The following ADCY7 variants were observed in gnomAD, a reference collection of about 807,000 sequenced individuals.
ADCY7 encodes adenylate cyclase type 7.
Under a neutral mutation model 120.6 loss-of-function variants are expected in ADCY7, and 72 were observed. The observed-to-expected ratio is 0.60, with a 90% CI of 0.49 to 0.73. ADCY7 has a LOEUF of 0.73. Among genes scored for constraint, ADCY7 ranks in the 30% least tolerant of loss-of-function variants. ADCY7 has a pLI of 0.00. For missense variants in ADCY7, 1,227 were observed against 1,486.0 expected (o/e 0.83, Z 2.87); for synonymous variants, 661 against 628.0 (o/e 1.05, Z -0.78).
At chr16:50,309,188 T>C (rs1410815426) in intron 17 of ADCY7, 2 of 320,188 alleles carry the variant, frequency 6.2e-6, no homozygotes, top group Non-Finnish European at 5.8e-6. Context: ...AGACCCCGCA[T>C]CCTGGGCTAG....
chr16:50,315,156 A>G lies in ADCY7; in HGVS notation c.3096+18A>G. 1 of 1,613,524 alleles carries G rather than the reference A, an allele frequency of 6.2e-7. No individual in the cohort carries two copies. Among genetic ancestry groups the G allele is most frequent in the Non-Finnish European group, 8.5e-7 (1 of 1,179,662 alleles). The stretch of plus-strand genomic sequence containing the variant: ...AAATCCAGGTAAAGACCTATTGGGG[A>G]AGCAGTTGACTAAGGGGAAAAGATC... On this transcript the variant is annotated intron_variant, in intron 25 of 25. Transcript: ENST00000673801.
chr16:50,253,105 G>A (rs533222473), intron 1 of ADCY7, among the ~76,000 whole-genome samples: 3 of 152,262 alleles, frequency 2.0e-5, no homozygotes, highest in East Asian at 1.9e-4. Context: ...TGCCCTGCAC[G>A]ATTTTCTCTG....
In ADCY7 at chr16:50,309,255, A is replaced by T. The variant is rs2036286497; in HGVS notation, c.2062-293A>T. 5 of 413,890 alleles carry T rather than the reference A, an allele frequency of 1.2e-5. No individual in the cohort carries two copies. In the East Asian group the frequency reaches 2.1e-4, roughly 17 times the overall value. The allele number at this position is 413,890 out of a possible 1,614,324, so 25.6% of individuals were successfully genotyped here. A position where few individuals can be genotyped will look rare whatever the true frequency, so the allele number is the denominator to read the frequency against. On this transcript the variant is annotated intron_variant, in intron 17 of 25. Transcript: ENST00000673801. ...TGGGTTTTTGGAATGTGTTCCTGTG[A>T]CCACCTCCCTCAGGGTCACCTGGGG...
At chr16:50,270,930 C>T (rs899540959) in intron 1 of ADCY7, among the ~76,000 whole-genome samples, 16 of 152,246 alleles carry the variant, frequency 1.1e-4, no homozygotes, top group Admixed American at 5.9e-4. Flanking sequence ...TGTGCAGTGG[C>T]CCCCTCCCCA....
chr16:50,303,593 T>C (rs886268434), intron 10 of ADCY7, among the ~76,000 whole-genome samples: 4 of 151,374 alleles, frequency 2.6e-5, no homozygotes, highest in Non-Finnish European at 4.4e-5. Context: ...GCCTCAGGCA[T>C]GTGTTCTTGG....
chr16:50,298,035 G>C (rs1180318390), intron 7 of ADCY7, among the ~76,000 whole-genome samples: 1 of 152,142 alleles, frequency 6.6e-6, no homozygotes, highest in African/African-American at 2.4e-5. Flanking sequence ...GAGGGCTCTC[G>C]GGGGTCCCCT....
In ADCY7 at chr16:50,304,964, G is replaced by A. The variant is rs566841579; in HGVS notation, c.1595+5G>A. On this transcript the variant is annotated splice_donor_5th_base_variant and intron_variant, in intron 12 of 25. Transcript: ENST00000673801. Reference sequence around the variant, plus strand: ...CCACCGCCGGACCCCAGACAGGTGCGTGCCCTGCCCTCCTGGCCAAGTCCT... The same window carrying A: ...CCACCGCCGGACCCCAGACAGGTGCATGCCCTGCCCTCCTGGCCAAGTCCT... 1.7e-5 allele frequency: 28 copies of A among 1,613,234 alleles called. 1 individual carries two copies. The highest frequency in any genetic ancestry group is 4.5e-5 in the East Asian group (2 of 44,870).
In ADCY7 at chr16:50,293,398, C is replaced by A. The variant is rs1344047628; in HGVS notation, c.732C>A (p.Gly244=). The A allele has an allele frequency of 1.2e-6, 2 of 1,613,894 alleles. No homozygotes were observed. The highest frequency in any genetic ancestry group is 3.3e-5 in the Admixed American group (2 of 60,008). ...LSVLPAHISM[G]MKLAIIERLK... Reference sequence around the variant, plus strand: ...TGCTTCCGGCCCACATCTCCATGGGCATGAAGCTGGCCATCATCGAACGGC... The same window carrying A: ...TGCTTCCGGCCCACATCTCCATGGGAATGAAGCTGGCCATCATCGAACGGC... Residue 244 remains glycine, a synonymous_variant, in exon 6 of 26, where the codon GGC becomes GGA. Transcript: ENST00000673801.
In ADCY7 at chr16:50,314,282, T is replaced by C; in HGVS notation, c.2857-10T>C. 1 of 1,612,864 alleles carries C rather than the reference T, an allele frequency of 6.2e-7. No individual in the cohort carries two copies. Among genetic ancestry groups the C allele is most frequent in the Non-Finnish European group, 8.5e-7 (1 of 1,178,928 alleles). On this transcript the variant is annotated splice_polypyrimidine_tract_variant and intron_variant, in intron 23 of 25. Coordinates refer to ENST00000673801, the MANE Select transcript of ADCY7 (RefSeq NM_001114.5). ...AGATGCAAGGATCTGACCCACAGCC[T>C]GTCCCGCAGGAGCTGGAGCGGCAGC...
Position 50,315,637 on chromosome 16 carries a change from T to C in ADCY7, c.*132T>C. On this transcript the variant is annotated 3_prime_UTR_variant, in exon 26 of 26. Transcript: ENST00000673801. ...CTGTGCATGTTGGCTTCTTTGGACC[T>C]GCACTGGAGGATTTCTCAGACACAT... 8.7e-7 allele frequency: 1 copy of C among 1,151,324 alleles called. No individual in the cohort carries two copies. Among genetic ancestry groups the C allele is most frequent in the Non-Finnish European group, 1.2e-6 (1 of 823,518 alleles). The allele number at this position is 1,151,324 out of a possible 1,614,324, so 71.3% of individuals were successfully genotyped here.
In ADCY7 at chr16:50,314,025, C is replaced by G; in HGVS notation, c.2819C>G (p.Ala940Gly). Residue 940 changes from alanine to glycine, a missense_variant, in exon 23 of 26, where the codon GCT (alanine) becomes GGT (glycine). Transcript: ENST00000673801. ...IKTIGSTYMA[A>G]AGLSVASGHE... ...ACCATCGGCAGCACGTACATGGCAG[C>G]TGCAGGGCTCAGCGTCGCCTCAGGG... 1 of 1,614,222 alleles carries G rather than the reference C, an allele frequency of 6.2e-7. No individual in the cohort carries two copies. The highest frequency in any genetic ancestry group is 1.1e-5 in the South Asian group (1 of 91,086).
In ADCY7 at chr16:50,304,558, C is replaced by T. The variant is rs538640333; in HGVS notation, c.1560+7C>T. ...CAACGGGCGGAGGCCTAAGGTAGGT[C>T]CCCCTCCCACCCAGAAAGCCAGGGA... On this transcript the variant is annotated splice_region_variant and intron_variant, in intron 11 of 25. Transcript: ENST00000673801. 3.3e-5 allele frequency: 50 copies of T among 1,523,434 alleles called. No individual in the cohort carries two copies. The highest frequency in any genetic ancestry group is 1.9e-4 in the Admixed American group (9 of 46,376). The allele number at this position is 1,523,434 out of a possible 1,614,324, so 94.4% of individuals were successfully genotyped here. A position where few individuals can be genotyped will look rare whatever the true frequency, so the allele number is the denominator to read the frequency against.
In ADCY7 at chr16:50,310,992, C is replaced by T. The variant is rs1376830123; in HGVS notation, c.2354+112C>T. 6.2e-6 allele frequency: 7 copies of T among 1,132,940 alleles called. 1 individual carries two copies. Among genetic ancestry groups the T allele is most frequent in the South Asian group, 3.2e-5 (2 of 63,282 alleles). The allele number at this position is 1,132,940 out of a possible 1,614,324, so 70.2% of individuals were successfully genotyped here. ...CATGGGGAGTGGGCACCTTGCAGGG[C>T]GGGGCTGGCAGATGGTGTCCAGCGC... On this transcript the variant is annotated intron_variant, in intron 19 of 25. Coordinates refer to ENST00000673801, the MANE Select transcript of ADCY7 (RefSeq NM_001114.5).
chr16:50,292,767 C>T lies in ADCY7; in HGVS notation c.629C>T (p.Thr210Ile). The part of the protein sequence containing the change: ...QMQDASRDLF[T>I]YTVKCIQIRR... ...CAGGATGCATCCCGGGACCTCTTCA[C>T]CTACACTGTGAAGTGCATCCAGATC... Residue 210 changes from threonine to isoleucine, a missense_variant, in exon 5 of 26, where the codon ACC becomes ATC. Transcript: ENST00000673801. The T allele has an allele frequency of 6.2e-7, 1 of 1,613,928 alleles. No individual in the cohort carries two copies. The highest frequency in any genetic ancestry group is 8.5e-7 in the Non-Finnish European group (1 of 1,179,974).
chr16:50,247,137 C>G (rs1001716539), intron 1 of ADCY7, among the ~76,000 whole-genome samples: 2 of 152,190 alleles, frequency 1.3e-5, no homozygotes, highest in African/African-American at 4.8e-5. Flanking sequence ...GGGACTTAGG[C>G]AGGGGCTTTG....
chr16:50,249,655 G>A (rs1240614405), intron 1 of ADCY7, among the ~76,000 whole-genome samples: 5 of 152,240 alleles, frequency 3.3e-5, no homozygotes, highest in Non-Finnish European at 7.3e-5. Flanking sequence ...CCTGGCCCCA[G>A]CCCTCTAAGG....
At chr16:50,308,130 C>T (rs561887098) in intron 15 of ADCY7, among the ~76,000 whole-genome samples, 197 bp from the exon 16 acceptor site, 1 of 152,222 alleles carries the variant, frequency 6.6e-6, no homozygotes, top group South Asian at 2.1e-4. Flanking sequence ...ATGGTCTTGA[C>T]CTCAATCTTC....
intron 1 of ADCY7, among the ~76,000 whole-genome samples, chr16:50,282,764 T>G (rs1041849102): frequency 6.6e-6 from 1 of 150,938 alleles, no homozygotes; most frequent in African/African-American, 2.4e-5. Flanking sequence ...AGGAGTGCAG[T>G]GGCATGATCA....
chr16:50,291,362 G>A (rs1200346302), intron 3 of ADCY7, among the ~76,000 whole-genome samples: 1 of 151,022 alleles, frequency 6.6e-6, no homozygotes. Flanking sequence ...GAGGGAGGGC[G>A]GGTGGGGCCG....
Sources: gnomAD v4.1 joint callset for allele counts (sites outside exome capture counted in the v4.1 genomes callset) on GRCh38, gnomAD v4.1.1 for gene constraint, MANE v1.5 for transcripts, NCBI Gene and HGNC (gene_info 2026-07-23, HGNC 2026-07-21) for gene names.